Variants in KIZ observed in about 807,000 individuals in gnomAD.
The protein encoded by KIZ is kizuna centrosomal protein.
A neutral mutation model predicts 79.6 loss-of-function variants in KIZ; 68 were observed. The ratio of observed to expected loss-of-function variants is 0.85; its 90% CI spans 0.70 to 1.05. The LOEUF (loss-of-function observed/expected upper bound fraction) is 1.05. Ranked by LOEUF, KIZ falls within the 50% of genes least tolerant of loss-of-function variation. The pLI is 0.00. For missense variants in KIZ, 797 were observed against 800.4 expected (o/e 1.00, Z 0.05); for synonymous variants, 280 against 281.8 (o/e 0.99, Z 0.06).
intron 6 of KIZ, among the ~76,000 whole-genome samples, chr20:21,174,235 C>T (rs1199784131): frequency 6.6e-6 from 1 of 152,174 alleles, no homozygotes; most frequent in African/African-American, 2.4e-5. Context: ...TGACTCCGTG[C>T]CAGGCACTGT....
intron 7 of KIZ, among the ~76,000 whole-genome samples, chr20:21,207,889 T>A (rs1269673341): frequency 7.9e-5 from 12 of 152,014 alleles, no homozygotes; most frequent in African/African-American, 2.9e-4. Flanking sequence ...TTTTTTGTAT[T>A]TTTAGTAGAG....
intron 6 of KIZ, among the ~76,000 whole-genome samples, chr20:21,175,844 G>A (rs1185909850): frequency 6.6e-6 from 1 of 152,034 alleles, no homozygotes; most frequent in Non-Finnish European, 1.5e-5. Context: ...GTGAAAGCTG[G>A]TCTCTACCAA....
chr20:21,223,689 A>AGATG (rs2036572296), intron 9 of KIZ, among the ~76,000 whole-genome samples: 1 of 130,922 alleles, frequency 7.6e-6, no homozygotes, highest in South Asian at 2.4e-4. Flanking sequence ...TTTTTTTCAG[A>AGATG]GATGGAGTCT....
intron 6 of KIZ, chr20:21,202,353 C>T (rs1284078882): frequency 6.6e-6 from 1 of 152,182 alleles, no homozygotes; most frequent in Non-Finnish European, 1.5e-5. Flanking sequence ...CTGGTCAGTG[C>T]ATTTTCCCAG....
chr20:21,230,996 T>G (rs2036815697), intron 10 of KIZ, among the ~76,000 whole-genome samples: 1 of 152,186 alleles, frequency 6.6e-6, no homozygotes, highest in Non-Finnish European at 1.5e-5. Context: ...CGTCTGTTTC[T>G]GGTAAGTGTT....
chr20:21,128,233 G>A (rs949364298), intron 1 of KIZ, among the ~76,000 whole-genome samples: 11 of 152,100 alleles, frequency 7.2e-5, no homozygotes, highest in African/African-American at 2.2e-4. Flanking sequence ...GGCTGATCTC[G>A]AACCCCTGAC....
chr20:21,235,880 C>T (rs2036989654), intron 11 of KIZ, among the ~76,000 whole-genome samples: 2 of 152,212 alleles, frequency 1.3e-5, no homozygotes, highest in African/African-American at 4.8e-5. Flanking sequence ...ATGGCGGTGG[C>T]ATTTTCTGTC....
Position 21,205,439 on chromosome 20 carries a change from G to A in KIZ, c.1353-52G>A, listed in dbSNP as rs2035778429. The A allele has an allele frequency of 4.3e-5, 32 of 737,774 alleles. 1 individual carries two copies. In the South Asian group the frequency reaches 5.8e-4, roughly 13 times the overall value. The allele number at this position is 737,774 out of a possible 1,614,324, so 45.7% of individuals were successfully genotyped here. A position where few individuals can be genotyped will look rare whatever the true frequency, so the allele number is the denominator to read the frequency against. On this transcript the variant is annotated intron_variant, in intron 6 of 12. Coordinates refer to ENST00000619189, the MANE Select transcript of KIZ (RefSeq NM_018474.6). The stretch of plus-strand genomic sequence containing the variant: ...GTAATTGAGGCCTTTAAAAATGTGG[G>A]AATCTTATAATATTACAAATCTATA...
rs1259254338 is a variant in KIZ, at chr20:21,210,898, A to G, written c.1447-3637A>G. Among the ~76,000 whole-genome samples, 8 of 152,126 alleles carry G rather than the reference A, an allele frequency of 5.3e-5. No individual in the cohort carries two copies. In the East Asian group the frequency reaches 1.5e-3, roughly 29 times the overall value. On this transcript the variant is annotated intron_variant, in intron 7 of 12. Transcript: ENST00000619189. ...TAGCTATTTGTATTTCTTTTTTCAT[A>G]ATTTGCCAGCTCATGTTCTTTGCTC... is the stretch of plus-strand genomic sequence containing the variant.
At chr20:21,219,158 T>G (rs1289151991) in intron 9 of KIZ, among the ~76,000 whole-genome samples, 1 of 151,062 alleles carries the variant, frequency 6.6e-6, no homozygotes, top group African/African-American at 2.4e-5. Flanking sequence ...GCTCTTTAAA[T>G]ATTTGAGGAG....
chr20:21,147,786 G>A (rs999362012), intron 4 of KIZ, among the ~76,000 whole-genome samples: 20 of 152,188 alleles, frequency 1.3e-4, no homozygotes, highest in Non-Finnish European at 2.5e-4. Flanking sequence ...AGAAGATTCT[G>A]CTTCCTGTGA....
chr20:21,240,813 C>T (rs950171483), intron 11 of KIZ, among the ~76,000 whole-genome samples: 10 of 152,192 alleles, frequency 6.6e-5, no homozygotes, highest in Non-Finnish European at 7.3e-5. Context: ...TTCAAATTTC[C>T]GTGTCTATAC....
At chr20:21,202,960 T>G (rs2035657775) in intron 6 of KIZ, among the ~76,000 whole-genome samples, 1 of 152,174 alleles carries the variant, frequency 6.6e-6, no homozygotes, top group South Asian at 2.1e-4. Context: ...CTTGAGTAGT[T>G]TAAAACAGAC....
At chr20:21,225,525 A>G (rs1369579107) in intron 9 of KIZ, among the ~76,000 whole-genome samples, 1 of 152,252 alleles carries the variant, frequency 6.6e-6, no homozygotes, top group Non-Finnish European at 1.5e-5. Flanking sequence ...TGAGAAAACT[A>G]AATTCTTTTC....
chr20:21,174,231 C>T (rs758644605), intron 6 of KIZ, among the ~76,000 whole-genome samples: 9 of 152,286 alleles, frequency 5.9e-5, no homozygotes, highest in South Asian at 4.2e-4. Context: ...GTACTGACTC[C>T]GTGCCAGGCA....
chr20:21,159,701 C>T (rs2093069), intron 4 of KIZ, among the ~76,000 whole-genome samples: 88,175 of 152,118 alleles, frequency 0.58, 27,159 homozygotes, highest in South Asian at 0.78. Flanking sequence ...AGTAATTCAT[C>T]TCTTTTCATG....
chr20:21,157,712 C>T (rs2033450629), intron 4 of KIZ, among the ~76,000 whole-genome samples: 1 of 152,190 alleles, frequency 6.6e-6, no homozygotes, highest in African/African-American at 2.4e-5. Context: ...AGAGCAGTAA[C>T]TCAGGGGCAC....
At chr20:21,193,852 T>G (rs2035220373) in intron 6 of KIZ, among the ~76,000 whole-genome samples, 4 of 97,308 alleles carry the variant, frequency 4.1e-5, no homozygotes, top group South Asian at 4.4e-4. Context: ...CTGGGGACTG[T>G]TGTGGGGTGG....
chr20:21,174,135 AG>A (rs2034337658), intron 6 of KIZ, among the ~76,000 whole-genome samples: 1 of 152,220 alleles, frequency 6.6e-6, no homozygotes, highest in Non-Finnish European at 1.5e-5. Context: ...AGGTGCAGCT[AG>A]GGTCTAAACT....
Sources: allele counts gnomAD v4.1 joint callset (sites outside exome capture counted in the v4.1 genomes callset), GRCh38; gene constraint gnomAD v4.1.1; transcripts MANE v1.5; gene names NCBI Gene and HGNC (gene_info 2026-07-23, HGNC 2026-07-21).